The following PRKN variants were observed in gnomAD, a reference collection of about 807,000 sequenced individuals.
PRKN encodes E3 ubiquitin-protein ligase parkin.
In PRKN, 56 loss-of-function variants were observed where a neutral mutation model predicts 59.5. The observed-to-expected ratio is 0.94, with a 90% CI of 0.76 to 1.18. The LOEUF (loss-of-function observed/expected upper bound fraction) is 1.18, where lower values mean the gene tolerates loss of function less well. Among genes scored for constraint, PRKN ranks in the 50% most tolerant of loss-of-function variants. The pLI is 0.00. For missense variants in PRKN, 657 were observed against 596.4 expected (o/e 1.10, Z -1.06); for synonymous variants, 250 against 222.1 (o/e 1.13, Z -1.12).
At chr6:162,698,523 T>A (rs1235456775) in intron 1 of PRKN, among the ~76,000 whole-genome samples, 1 of 152,174 alleles carries the variant, frequency 6.6e-6, no homozygotes, top group East Asian at 1.9e-4. Flanking sequence ...CCAAGGATGG[T>A]GGCTTGCAAA....
chr6:161,596,141 C>A (rs1199652472), intron 7 of PRKN, among the ~76,000 whole-genome samples: 1 of 152,038 alleles, frequency 6.6e-6, no homozygotes, highest in African/African-American at 2.4e-5. Flanking sequence ...GGGTTGAGGA[C>A]TCATTTTTGT....
In PRKN at chr6:162,133,281, G is replaced by A. The variant is rs887162519; in HGVS notation, c.534+67850C>T. Among the ~76,000 whole-genome samples the A allele has an allele frequency of 1.4e-4, 22 of 152,240 alleles. 1 individual carries two copies. The highest frequency in any genetic ancestry group is 2.9e-5 in the Non-Finnish European group (2 of 68,010). ...GAAGTGAGGGATCTGTGAAGTGATC[G>A]GATTCAAGGTCTAGCTGGAGGTAGC... On this transcript the variant is annotated intron_variant, in intron 4 of 11. Transcript: ENST00000366898.
At chr6:162,331,088 G>C (rs1783550440) in intron 2 of PRKN, among the ~76,000 whole-genome samples, 2 of 152,018 alleles carry the variant, frequency 1.3e-5, no homozygotes, top group African/African-American at 4.8e-5. Flanking sequence ...CAGCACTTTG[G>C]GAGGCCAAGG....
Position 161,373,242 on chromosome 6 carries a change from C to T in PRKN, c.1168-13037G>A, listed in dbSNP as rs1785511544. Among the ~76,000 whole-genome samples the T allele has an allele frequency of 6.6e-6, 1 of 152,084 alleles. No individual in the cohort carries two copies. Among genetic ancestry groups the T allele is most frequent in the Admixed American group, 6.6e-5 (1 of 15,266 alleles). ...AAGTTAACTGAGTATAGATGTTAACCACGTCTACAAAAATACCTTCACAGC... is the reference window on the plus strand; with the variant it reads ...AAGTTAACTGAGTATAGATGTTAACTACGTCTACAAAAATACCTTCACAGC... On this transcript the variant is annotated intron_variant, in intron 10 of 11. Transcript: ENST00000366898. The surrounding 1 kb of genome is among the most constrained non-coding windows in gnomAD (Gnocchi z 4.8).
intron 2 of PRKN, among the ~76,000 whole-genome samples, chr6:162,397,891 T>C (rs1787554562): frequency 6.6e-6 from 1 of 151,722 alleles, no homozygotes; most frequent in Non-Finnish European, 1.5e-5. Flanking sequence ...ACAAAAATTA[T>C]CTGGGCATGG....
intron 5 of PRKN, among the ~76,000 whole-genome samples, chr6:162,035,559 A>G (rs1783806910): frequency 6.6e-6 from 1 of 152,214 alleles, no homozygotes; most frequent in Admixed American, 6.5e-5. Flanking sequence ...CAAACTTCAT[A>G]AAAAATTATA....
At chr6:162,275,942 C>T (rs1309817903) in intron 2 of PRKN, among the ~76,000 whole-genome samples, 2 of 152,114 alleles carry the variant, frequency 1.3e-5, no homozygotes, top group Non-Finnish European at 2.9e-5. Context: ...AGCTTCCCTG[C>T]CATCCTGTAT....
intron 1 of PRKN, among the ~76,000 whole-genome samples, chr6:162,705,260 A>G (rs1778298587): frequency 6.6e-6 from 1 of 152,098 alleles, no homozygotes; most frequent in Non-Finnish European, 1.5e-5. Context: ...ATACCCTTGA[A>G]AATCCCCTTT....
intron 10 of PRKN, among the ~76,000 whole-genome samples, chr6:161,375,604 C>T (rs1466026304): frequency 6.6e-6 from 1 of 152,188 alleles, no homozygotes; most frequent in African/African-American, 2.4e-5. Context: ...ATCTTACTGG[C>T]TCTGTGTGGC....
intron 5 of PRKN, among the ~76,000 whole-genome samples, chr6:162,050,812 C>T (rs1777605885): frequency 6.6e-6 from 1 of 152,092 alleles, no homozygotes; most frequent in South Asian, 2.1e-4. Context: ...GGACTTGAGG[C>T]CACTCCCACC....
At chr6:162,727,344 T>C in intron 1 of PRKN, 2 of 293,812 alleles carry the variant, frequency 6.8e-6, no homozygotes, top group South Asian at 5.8e-5. Context: ...GGAGAAGGCT[T>C]CGGGACCCCA....
At chr6:162,448,819 T>C (rs548304011) in intron 1 of PRKN, among the ~76,000 whole-genome samples, 40 of 151,780 alleles carry the variant, frequency 2.6e-4, no homozygotes, top group African/African-American at 8.9e-4. Flanking sequence ...TTTCTTTCTC[T>C]TCCTCCCTCC....
chr6:162,660,495 C>T (rs1019812962), intron 1 of PRKN, among the ~76,000 whole-genome samples: 6 of 152,158 alleles, frequency 3.9e-5, no homozygotes, highest in Non-Finnish European at 7.3e-5. Flanking sequence ...AAAAAACACA[C>T]ACTATTTTCT....
chr6:161,446,047 T>C lies in PRKN; in HGVS notation c.1084-59170A>G, dbSNP rs1404220895. ...GGTGAAACCCTGTCTCTATAAAAAA[T>C]ATAAAACTTAGCTGGGTGTGGTGGC... On this transcript the variant is annotated intron_variant, in intron 9 of 11. Transcript: ENST00000366898. This position sits in a 1 kb window ranked among gnomAD's most constrained non-coding sequence, Gnocchi z 6.2. Among the ~76,000 whole-genome samples, 1 of 149,926 alleles carries C rather than the reference T, an allele frequency of 6.7e-6. No homozygotes were observed. The highest frequency in any genetic ancestry group is 2.5e-5 in the African/African-American group (1 of 40,692).
chr6:162,115,058 C>A (rs559889629), intron 4 of PRKN, among the ~76,000 whole-genome samples: 3 of 151,912 alleles, frequency 2.0e-5, no homozygotes, highest in Non-Finnish European at 2.9e-5. Flanking sequence ...ATGTTTATTG[C>A]GGCATTATTC....
intron 5 of PRKN, among the ~76,000 whole-genome samples, chr6:162,000,723 C>G (rs1052747725): frequency 6.6e-6 from 1 of 151,928 alleles, no homozygotes; most frequent in Non-Finnish European, 1.5e-5. Context: ...AAAGTTATTA[C>G]TATACCTAAG....
At chr6:162,085,070 G>C (rs936728463) in intron 4 of PRKN, among the ~76,000 whole-genome samples, 14 of 150,312 alleles carry the variant, frequency 9.3e-5, no homozygotes, top group East Asian at 1.9e-4. Flanking sequence ...CACACAAAGA[G>C]AGAGACTCAC....
At chr6:162,266,672 T>C (rs1428963125) in intron 2 of PRKN, among the ~76,000 whole-genome samples, 3 of 152,190 alleles carry the variant, frequency 2.0e-5, no homozygotes, top group African/African-American at 2.4e-5. Context: ...TGGCAAATGA[T>C]TCTTCCTTTC....
chr6:161,848,511 C>T (rs1793293708), intron 6 of PRKN, among the ~76,000 whole-genome samples: 2 of 152,150 alleles, frequency 1.3e-5, no homozygotes, highest in Admixed American at 1.3e-4. Flanking sequence ...CTTCTTACCT[C>T]ATCTGATTTC....
Sources: gnomAD v4.1 joint callset for allele counts (sites outside exome capture counted in the v4.1 genomes callset) on GRCh38, gnomAD v4.1.1 for gene constraint, Gnocchi (gnomAD v3.1) non-coding constraint, MANE v1.5 for transcripts, NCBI Gene and HGNC (gene_info 2026-07-23, HGNC 2026-07-21) for gene names.